Variants in C3orf20 observed in about 807,000 individuals in gnomAD.
The protein encoded by C3orf20 is uncharacterized protein C3orf20.
C3orf20 carries 76 observed loss-of-function variants against 88.3 expected under a neutral mutation model. That is an observed-to-expected ratio of 0.86 (90% confidence interval 0.72 to 1.04). C3orf20 has a LOEUF of 1.04. Among genes scored for constraint, C3orf20 ranks in the 50% least tolerant of loss-of-function variants. The probability of loss-of-function intolerance (pLI) is 0.00; values close to 1 mark genes in which losing one functional copy is unlikely to be tolerated. For synonymous variants in C3orf20, 436 were observed against 437.4 expected, an observed-to-expected ratio of 1.00 and a Z score of 0.04; for missense variants, 1,056 against 1,123.3, an observed-to-expected ratio of 0.94 and a Z score of 0.86.
chr3:14,699,463 C>CG (rs1035509478), intron 5 of C3orf20, among the ~76,000 whole-genome samples: 2 of 152,144 alleles, frequency 1.3e-5, no homozygotes, highest in African/African-American at 4.8e-5. Context: ...CTTCAGTCAG[C>CG]GGGTGATGGG....
chr3:14,692,400 C>T lies in C3orf20; in HGVS notation c.745+2284C>T, dbSNP rs533749276. On this transcript the variant is annotated intron_variant, in intron 5 of 16. Coordinates refer to ENST00000253697, the MANE Select transcript of C3orf20 (RefSeq NM_032137.5). ...GGTTTCCTTTTCTCCACATCCTCAC[C>T]AGCATTTGTTGTTGCCTGTCTTTTG... is the stretch of plus-strand genomic sequence containing the variant. Among the ~76,000 whole-genome samples the T allele has an allele frequency of 2.0e-5, 3 of 152,320 alleles. No individual in the cohort carries two copies. In the East Asian group the frequency reaches 5.8e-4, roughly 29 times the overall value.
intron 12 of C3orf20, 32 bp downstream of exon 12, chr3:14,728,720 T>C: frequency 6.2e-7 from 1 of 1,604,996 alleles, no homozygotes; most frequent in Non-Finnish European, 8.5e-7. Context: ...TTCCGCAGCA[T>C]CGGGTGTTGT....
chr3:14,685,460 T>TTC (rs60024348), intron 4 of C3orf20, among the ~76,000 whole-genome samples: 8,214 of 138,760 alleles, frequency 0.059, 253 homozygotes, highest in Middle Eastern at 0.11. Context: ...CTCTCTCTGT[T>TTC]TCTCTCTCTC....
At chr3:14,727,174 T>G (rs914792879) in intron 11 of C3orf20, 150 bp downstream of exon 11, 10 of 946,882 alleles carry the variant, frequency 1.1e-5, no homozygotes, top group Non-Finnish European at 1.6e-5. Context: ...GCAGAGATAT[T>G]TCCCCATTTT....
At chr3:14,756,916 T>A (rs1202031349) in intron 12 of C3orf20, among the ~76,000 whole-genome samples, 2 of 152,144 alleles carry the variant, frequency 1.3e-5, no homozygotes, top group African/African-American at 4.8e-5. Context: ...GAGAACAGAC[T>A]GAAGACAGGC....
At chr3:14,753,404 G>T (rs1399942075) in intron 12 of C3orf20, among the ~76,000 whole-genome samples, 1 of 152,138 alleles carries the variant, frequency 6.6e-6, no homozygotes, top group Non-Finnish European at 1.5e-5. Flanking sequence ...GAGTTGATGG[G>T]TGCAGCAAAC....
chr3:14,680,339 G>C lies in C3orf20; in HGVS notation c.-298-1831G>C, dbSNP rs537720378. 3.3e-5 allele frequency among the ~76,000 whole-genome samples: 5 copies of C among 152,298 alleles called. No individual in the cohort carries two copies. The South Asian group carries it at 1.0e-3, about 32-fold the overall frequency. Reference sequence around the variant, plus strand: ...CTGTCATTAAAAGGAGTGAAGTACTGATACATGCTATATAACATGGATGAA... The same window carrying C: ...CTGTCATTAAAAGGAGTGAAGTACTCATACATGCTATATAACATGGATGAA... On this transcript the variant is annotated intron_variant, in intron 1 of 16. Transcript: ENST00000253697.
chr3:14,683,269 G>A, intron 3 of C3orf20, 72 bp downstream of exon 3: 2 of 1,501,796 alleles, frequency 1.3e-6, no homozygotes, highest in Non-Finnish European at 1.8e-6. Context: ...CACATGCTGG[G>A]AACAGGTGGC....
At chr3:14,684,669 A>G (rs932476207) in intron 4 of C3orf20, among the ~76,000 whole-genome samples, 1 of 152,208 alleles carries the variant, frequency 6.6e-6, no homozygotes, top group African/African-American at 2.4e-5. Flanking sequence ...ACGTGCAGTG[A>G]AGGACTCATG....
At chr3:14,727,109 C>A in intron 11 of C3orf20, 85 bp downstream of exon 11, 1 of 1,425,340 alleles carries the variant, frequency 7.0e-7, no homozygotes, top group Non-Finnish European at 9.8e-7. Context: ...AGGGACAGAC[C>A]TTTACTTTAC....
At chr3:14,715,445 C>T (rs371791049) in intron 9 of C3orf20, 36 bp downstream of exon 9, 156 of 1,590,908 alleles carry the variant, frequency 9.8e-5, no homozygotes, top group Non-Finnish European at 1.3e-4. Context: ...TGGCAGTGAG[C>T]ACCACTGTCA....
intron 4 of C3orf20, among the ~76,000 whole-genome samples, chr3:14,688,064 T>C (rs908555511): frequency 6.6e-6 from 1 of 152,156 alleles, no homozygotes; most frequent in Non-Finnish European, 1.5e-5. Flanking sequence ...TCCATTTATT[T>C]TGGAAAAACA....
At chr3:14,698,133 C>A (rs2033090753) in intron 5 of C3orf20, among the ~76,000 whole-genome samples, 1 of 152,150 alleles carries the variant, frequency 6.6e-6, no homozygotes, top group African/African-American at 2.4e-5. Context: ...GGAATCTCCA[C>A]ACTGTCTTCA....
chr3:14,737,951 C>T (rs1206181236), intron 12 of C3orf20, among the ~76,000 whole-genome samples: 3 of 152,284 alleles, frequency 2.0e-5, no homozygotes, highest in African/African-American at 7.2e-5. Flanking sequence ...AACTTTTCAT[C>T]CCTTCAAGTT....
intron 7 of C3orf20, among the ~76,000 whole-genome samples, chr3:14,711,627 C>CTTTT (rs35966332): frequency 4.3e-4 from 31 of 72,592 alleles, no homozygotes; most frequent in Non-Finnish European, 5.2e-4. Flanking sequence ...ATCCTGCCAG[C>CTTTT]TTTTTTTTTT....
rs114672711 is a variant in C3orf20, at chr3:14,684,073, A to G, written c.485-169A>G. Among the ~76,000 whole-genome samples the G allele has an allele frequency of 3.4e-3, 511 of 152,240 alleles. 2 individuals carry two copies. The highest frequency in any genetic ancestry group is 0.012 in the African/African-American group (488 of 41,520). On this transcript the variant is annotated intron_variant, in intron 3 of 16. Coordinates refer to ENST00000253697, the MANE Select transcript of C3orf20 (RefSeq NM_032137.5). ...GGGAGGAGAGCAAAGCGACATCTGA[A>G]GGGTCCTCAGAGCTTGAGAGCCTTT... is the stretch of plus-strand genomic sequence containing the variant.
At chr3:14,708,745 G>A (rs565722003) in intron 7 of C3orf20, among the ~76,000 whole-genome samples, 2 of 152,244 alleles carry the variant, frequency 1.3e-5, no homozygotes, top group African/African-American at 4.8e-5. Flanking sequence ...CTGGGTTCAA[G>A]CAATTCTCCT....
rs2033901597 is a variant in C3orf20, at chr3:14,715,391, G to C, written c.1416G>C (p.Leu472=). 1.2e-6 allele frequency: 2 copies of C among 1,611,822 alleles called. No homozygotes were observed. Among genetic ancestry groups the C allele is most frequent in the African/African-American group, 1.3e-5 (1 of 75,012 alleles). The change falls in exon 9 of 17, where the codon CTG becomes CTC. Residue 472 remains leucine, a synonymous_variant. Coordinates refer to ENST00000253697, the MANE Select transcript of C3orf20 (RefSeq NM_032137.5). The part of the protein sequence containing the change: ...KWSWTSRTET[L]LSLEYKVNEE... ...GCTGGACTTCCAGGACAGAGACCCT[G>C]CTTTCCCTGGAATACAAGGTAGGGA...
At chr3:14,727,244 A>G (rs2034383655) in intron 11 of C3orf20, among the ~76,000 whole-genome samples, 1 of 152,066 alleles carries the variant, frequency 6.6e-6, no homozygotes, top group Non-Finnish European at 1.5e-5. Context: ...ACGTGAGCCC[A>G]CTTGCATTTC....
Sources: gnomAD v4.1 joint callset for allele counts (sites outside exome capture counted in the v4.1 genomes callset) on GRCh38, gnomAD v4.1.1 for gene constraint, MANE v1.5 for transcripts, NCBI Gene and HGNC (gene_info 2026-07-23, HGNC 2026-07-21) for gene names.